FRMD4A: variants seen among roughly 807,000 people sequenced by gnomAD.
FRMD4A encodes the protein FERM domain containing 4A, also known as FERM domain-containing protein 4A.
In FRMD4A, 29 loss-of-function variants were observed where a neutral mutation model predicts 129.1. The observed-to-expected ratio is 0.22, with a 90% confidence interval of 0.17 to 0.31. The LOEUF is 0.31. Ranked by LOEUF, FRMD4A falls within the 10% of genes least tolerant of loss-of-function variation. The probability of loss-of-function intolerance (pLI) is 1.00; values close to 1 mark genes in which losing one functional copy is unlikely to be tolerated. For synonymous variants in FRMD4A, 634 were observed against 571.6 expected (o/e 1.11, Z -1.56); for missense variants, 1,272 against 1,375.8 (o/e 0.92, Z 1.19).
intron 6 of FRMD4A, among the ~76,000 whole-genome samples, chr10:13,780,250 C>G (rs2092701099): frequency 6.6e-6 from 1 of 151,856 alleles, no homozygotes; most frequent in African/African-American, 2.4e-5. Flanking sequence ...TCGCTTGAAC[C>G]TGGGAGGCGG....
At position 14,182,998 on chromosome 10, in the gene FRMD4A, C is replaced by T. The variant is rs184936865; in HGVS notation, c.45+147060G>A. On this transcript the variant is annotated intron_variant, in intron 2 of 24. Transcript: ENST00000357447. ...TTAGGATGTTGGTGCGTGGGGCTGT[C>T]GTAAGCAGGATGGGGTGGAGATGTG... Among the ~76,000 whole-genome samples, 111 of 152,136 alleles carry T rather than the reference C, an allele frequency of 7.3e-4. 2 individuals carry two copies. Among genetic ancestry groups the T allele is most frequent in the African/African-American group, 2.6e-3 (107 of 41,498 alleles).
At chr10:13,844,418 A>G (rs2094013853) in intron 3 of FRMD4A, among the ~76,000 whole-genome samples, 1 of 152,190 alleles carries the variant, frequency 6.6e-6, no homozygotes, top group African/African-American at 2.4e-5. Flanking sequence ...ACACCTTTGT[A>G]TCAATATGGT....
intron 2 of FRMD4A, among the ~76,000 whole-genome samples, chr10:14,045,786 T>G (rs1431868916): frequency 1.4e-5 from 2 of 145,626 alleles, no homozygotes; most frequent in Non-Finnish European, 3.0e-5. Context: ...ATAATCATAT[T>G]ATATATGATA....
At chr10:14,109,896 G>A (rs911724124) in intron 2 of FRMD4A, among the ~76,000 whole-genome samples, 3 of 151,354 alleles carry the variant, frequency 2.0e-5, no homozygotes, top group Non-Finnish European at 2.9e-5. Context: ...CGCTTGAACC[G>A]GGAGGCAGAG....
chr10:13,682,626 G>A (rs1311757661), intron 15 of FRMD4A, among the ~76,000 whole-genome samples: 2 of 147,900 alleles, frequency 1.4e-5, no homozygotes, highest in Non-Finnish European at 3.0e-5. Flanking sequence ...TCAGCCTCCT[G>A]AATAGCTGGG....
intron 2 of FRMD4A, among the ~76,000 whole-genome samples, chr10:14,245,839 T>A (rs1286447688): frequency 6.6e-6 from 1 of 152,150 alleles, no homozygotes; most frequent in East Asian, 1.9e-4. Context: ...CAGTCTGTGG[T>A]GCTTTATTAC....
intron 5 of FRMD4A, among the ~76,000 whole-genome samples, chr10:13,788,716 C>A (rs534178990): frequency 2.0e-5 from 3 of 152,302 alleles, no homozygotes; most frequent in Non-Finnish European, 2.9e-5. Flanking sequence ...CAGATGATCC[C>A]GACCCGAGAA....
At chr10:13,663,189 C>CA (rs35995959) in intron 19 of FRMD4A, among the ~76,000 whole-genome samples, 3,800 of 131,068 alleles carry the variant, frequency 0.029, 132 homozygotes, top group African/African-American at 0.09. Flanking sequence ...GACCCTGTCT[C>CA]AAAAAAAAAA....
In FRMD4A at chr10:14,031,469, T is replaced by C. The variant is rs578256797; in HGVS notation, c.46-172557A>G. ...TTTTAGTAGAGATGGGGGTTCACCA[T>C]GTTGGTCAGGCTGGTCTTGAACTCC... On this transcript the variant is annotated intron_variant, in intron 2 of 24. Transcript: ENST00000357447. Among the ~76,000 whole-genome samples, 4 of 152,214 alleles carry C rather than the reference T, an allele frequency of 2.6e-5. No homozygotes were observed. The South Asian group carries it at 8.3e-4, about 32-fold the overall frequency.
chr10:14,044,016 A>T (rs1443092517), intron 2 of FRMD4A, among the ~76,000 whole-genome samples: 1 of 152,104 alleles, frequency 6.6e-6, no homozygotes, highest in Non-Finnish European at 1.5e-5. Flanking sequence ...ATTTGTAGAG[A>T]TGGGGTCCCA....
chr10:14,037,776 C>T (rs2018203), intron 2 of FRMD4A, among the ~76,000 whole-genome samples: 132,196 of 152,164 alleles, frequency 0.87, 59,171 homozygotes, highest in Non-Finnish European at 0.97. Flanking sequence ...GGGTGTGTAC[C>T]ATAAAACTTT....
intron 2 of FRMD4A, among the ~76,000 whole-genome samples, chr10:14,101,741 CAA>C (rs1469418038): frequency 6.8e-6 from 1 of 146,802 alleles, no homozygotes; most frequent in African/African-American, 2.7e-5. Context: ...CAACACAACA[CAA>C]CACAACACAA....
intron 12 of FRMD4A, among the ~76,000 whole-genome samples, chr10:13,717,692 GTTT>G (rs35059886): frequency 0.01 from 977 of 95,250 alleles, 11 homozygotes; most frequent in African/African-American, 0.035. Context: ...TGTTGTTCTT[GTTT>G]TTTTTTTTTT....
At chr10:13,655,981 A>G (rs758038927) in intron 22 of FRMD4A, 6 of 152,090 alleles carry the variant, frequency 3.9e-5, no homozygotes, top group Non-Finnish European at 8.8e-5. Context: ...AATACCGCCC[A>G]ATGCTCTTGA....
At chr10:14,144,325 G>C (rs189990942) in intron 2 of FRMD4A, among the ~76,000 whole-genome samples, 4 of 152,156 alleles carry the variant, frequency 2.6e-5, no homozygotes, top group Admixed American at 1.3e-4. Context: ...AGAGGAGAGG[G>C]GAGTGGAGGA....
intron 2 of FRMD4A, among the ~76,000 whole-genome samples, chr10:14,229,960 G>A (rs1185347786): frequency 6.6e-6 from 1 of 152,170 alleles, no homozygotes; most frequent in Non-Finnish European, 1.5e-5. Context: ...CATGCCCTTT[G>A]AGAATTGGTG....
intron 2 of FRMD4A, among the ~76,000 whole-genome samples, chr10:14,185,545 CAT>C (rs1842078082): frequency 6.6e-6 from 1 of 152,106 alleles, no homozygotes; most frequent in South Asian, 2.1e-4. Flanking sequence ...AAACTTGAAA[CAT>C]AAAGCAAGAC....
At chr10:13,838,500 C>CT (rs1235199878) in intron 3 of FRMD4A, among the ~76,000 whole-genome samples, 65 of 145,956 alleles carry the variant, frequency 4.5e-4, no homozygotes, top group Middle Eastern at 3.9e-3. Flanking sequence ...CCCTCCCTCC[C>CT]TTTTTTTTTT....
chr10:14,137,571 G>A (rs1164701903), intron 2 of FRMD4A, among the ~76,000 whole-genome samples: 7 of 152,138 alleles, frequency 4.6e-5, no homozygotes, highest in Admixed American at 3.9e-4. Flanking sequence ...TTGAAGTTGA[G>A]TAGAGAAGGT....
Sources: gnomAD v4.1 joint callset for allele counts (sites outside exome capture counted in the v4.1 genomes callset) on GRCh38, gnomAD v4.1.1 for gene constraint, MANE v1.5 for transcripts, NCBI Gene and HGNC (gene_info 2026-07-23, HGNC 2026-07-21) for gene names.